Variants in RBM28 observed in about 807,000 individuals in gnomAD.
RBM28 encodes RNA binding motif protein 28, also known as RNA-binding protein 28.
A neutral mutation model predicts 98.3 loss-of-function variants in RBM28; 78 were observed. That is an observed-to-expected ratio of 0.79 (90% CI 0.66 to 0.96). The LOEUF (loss-of-function observed/expected upper bound fraction) is 0.96. Ranked by LOEUF, RBM28 falls within the 40% of genes least tolerant of loss-of-function variation. RBM28 has a pLI of 0.00. For missense variants in RBM28, 838 were observed against 913.0 expected, an observed-to-expected ratio of 0.92 and a Z score of 1.06; for synonymous variants, 306 against 330.9, an observed-to-expected ratio of 0.92 and a Z score of 0.82.
At position 128,314,956 on chromosome 7, in the gene RBM28, T is replaced by A; in HGVS notation, c.1853A>T (p.Asp618Val). The change falls in exon 17 of 19, where the codon GAC becomes GTC. Residue 618 changes from aspartate (D) to valine (V), a missense_variant. Coordinates refer to ENST00000223073, the MANE Select transcript of RBM28 (RefSeq NM_018077.3). The stretch of plus-strand genomic sequence containing the variant: ...GTGTTGAGCTGCCTTCTGTTGCTGG[T>A]CTTTTGCAGGCTCTGGTTGCCCCTT... ...PQKGQPEPAKDQQQKAAQHHT... is the reference protein window; with the variant it reads ...PQKGQPEPAKVQQQKAAQHHT... 6.2e-7 allele frequency: 1 copy of A among 1,614,236 alleles called. No homozygotes were observed. Among genetic ancestry groups the A allele is most frequent in the Non-Finnish European group, 8.5e-7 (1 of 1,180,040 alleles).
At chr7:128,324,795 C>A (rs1796311449) in intron 11 of RBM28, 101 bp from the exon 12 acceptor site, 1 of 1,527,852 alleles carries the variant, frequency 6.5e-7, no homozygotes, top group Non-Finnish European at 9.0e-7. Flanking sequence ...AGGTGGATCA[C>A]CTGAGGTCAG....
chr7:128,342,676 G>A (rs1397519903), intron 1 of RBM28, among the ~76,000 whole-genome samples: 2 of 151,000 alleles, frequency 1.3e-5, no homozygotes, highest in African/African-American at 4.9e-5. Flanking sequence ...GCAAGACGCA[G>A]TCTTTAAAAA....
chr7:128,328,165 T>C (rs1476957290), intron 10 of RBM28, among the ~76,000 whole-genome samples: 1 of 152,234 alleles, frequency 6.6e-6, no homozygotes, highest in Admixed American at 6.5e-5. Flanking sequence ...TCTGTTTCTA[T>C]ATCCCTAGCA....
chr7:128,328,602 C>T (rs1796404926), intron 10 of RBM28, among the ~76,000 whole-genome samples: 1 of 152,134 alleles, frequency 6.6e-6, no homozygotes, highest in Admixed American at 6.5e-5. Context: ...TCTAGTCAGT[C>T]AATTGTAGGC....
chr7:128,333,231 G>C, intron 9 of RBM28, 59 bp downstream of exon 9: 1 of 1,356,782 alleles, frequency 7.4e-7, no homozygotes, highest in Non-Finnish European at 1.1e-6. Flanking sequence ...AAGAGAAGAA[G>C]AAGGAAGAGA....
In RBM28 at chr7:128,337,143, CAG is replaced by C; in HGVS notation, c.599_600del (p.Ser200CysfsTer6). The C allele has an allele frequency of 6.2e-7, 1 of 1,614,138 alleles. No homozygotes were observed. The highest frequency in any genetic ancestry group is 8.5e-7 in the Non-Finnish European group (1 of 1,179,980). ...TACCACATCTTACCTATAGCAGAAA[CAG>C]ACTGTGTATCTTTATATTTATCCTT... ...VAKDKYKDTQSVSAIGEEKSH... is the reference protein window; with the variant it reads ...VAKDKYKDTQXVSAIGEEKSH... On this transcript the variant is annotated frameshift_variant, in exon 6 of 19. Coordinates refer to ENST00000223073, the MANE Select transcript of RBM28 (RefSeq NM_018077.3). LOFTEE classifies it high-confidence loss of function.
rs762822673 is a variant in RBM28, at chr7:128,314,758, T to C, written c.2045+6A>G. Reference sequence around the variant, plus strand: ...TGTTCTGTGCTTCTGCCCTCCTGCATCTCACCTGATTTTGGGGCCTCGGTG... The same window carrying C: ...TGTTCTGTGCTTCTGCCCTCCTGCACCTCACCTGATTTTGGGGCCTCGGTG... On this transcript the variant is annotated splice_donor_region_variant and intron_variant, in intron 17 of 18. Transcript: ENST00000223073. 4 of 1,614,208 alleles carry C rather than the reference T, an allele frequency of 2.5e-6. No individual in the cohort carries two copies. The East Asian group carries it at 8.9e-5, about 36-fold the overall frequency.
At position 128,343,790 on chromosome 7, in the gene RBM28, C is replaced by T. The variant is rs1431845795; in HGVS notation, c.4G>A (p.Ala2Thr). M[A>T]GLTLFVGRLP... is the part of the protein sequence containing the mutation. The stretch of plus-strand genomic sequence containing the variant: ...CGGCCCACAAATAAGGTCAGGCCGG[C>T]CATGAGACCGGGAAACCCAAAGCGC... The change falls in exon 1 of 19, where the codon GCC becomes ACC. Residue 2 changes from alanine to threonine, a missense_variant. Coordinates refer to ENST00000223073, the MANE Select transcript of RBM28 (RefSeq NM_018077.3). 6.3e-7 allele frequency: 1 copy of T among 1,594,332 alleles called. No homozygotes were observed. The highest frequency in any genetic ancestry group is 1.8e-5 in the Admixed American group (1 of 57,086).
At chr7:128,317,414 C>T (rs969241412) in intron 16 of RBM28, among the ~76,000 whole-genome samples, 2 of 152,178 alleles carry the variant, frequency 1.3e-5, no homozygotes, top group Non-Finnish European at 2.9e-5. Context: ...CTGTAAAAAA[C>T]GGCTGACTGG....
In RBM28 at chr7:128,323,908, T is replaced by C. The variant is rs187546969; in HGVS notation, c.1340-317A>G. On this transcript the variant is annotated intron_variant, in intron 12 of 18. Transcript: ENST00000223073. Reference sequence around the variant, plus strand: ...AAGAAGTATGGAACATAAGTACATTTTGGGCATTTAGAATGCACAATGTTC... The same window carrying C: ...AAGAAGTATGGAACATAAGTACATTCTGGGCATTTAGAATGCACAATGTTC... 1.2e-3 allele frequency among the ~76,000 whole-genome samples: 178 copies of C among 152,332 alleles called. 1 individual carries two copies. The highest frequency in any genetic ancestry group is 3.1e-3 in the Admixed American group (48 of 15,296).
rs1195519063 is a variant in RBM28 at position 128,310,928 on chromosome 7, A to C, written c.2149T>G (p.Ser717Ala). The C allele has an allele frequency of 6.2e-7, 1 of 1,612,244 alleles. No homozygotes were observed. Among genetic ancestry groups the C allele is most frequent in the Admixed American group, 1.7e-5 (1 of 60,010 alleles). Reference protein sequence around the residue: ...EKQQLSSEQVSRKKAKGNKTE... With the variant: ...EKQQLSSEQVARKKAKGNKTE... ...TTATTTCCCTTAGCTTTTTTCCTAG[A>C]TACCTACAAATGAAAGGATTAGAAA... Residue 717 changes from serine (S) to alanine (A), a missense_variant, in exon 19 of 19, where the codon TCT becomes GCT. Coordinates refer to ENST00000223073, the MANE Select transcript of RBM28 (RefSeq NM_018077.3).
intron 14 of RBM28, among the ~76,000 whole-genome samples, chr7:128,319,736 C>T (rs2116336086): frequency 6.6e-6 from 1 of 152,280 alleles, no homozygotes; most frequent in South Asian, 2.1e-4. Context: ...GGAGAAGTGA[C>T]TGACAGACAG....
At chr7:128,314,689 A>G in intron 17 of RBM28, 75 bp downstream of exon 17, 1 of 1,602,652 alleles carries the variant, frequency 6.2e-7, no homozygotes, top group Non-Finnish European at 8.5e-7. Context: ...TGCCACAAAG[A>G]GAAAATAACT....
chr7:128,303,948 T>A lies in RBM28; in HGVS notation c.*6849A>T, dbSNP rs7794771. 1 of 151,870 alleles carries A rather than the reference T, an allele frequency of 6.6e-6. No homozygotes were observed. The highest frequency in any genetic ancestry group is 1.5e-5 in the Non-Finnish European group (1 of 67,988). The allele number at this position is 151,870 out of a possible 1,614,324, so 9.4% of individuals were successfully genotyped here. ...GAACAGAATAGTTTCGAGGGAAGGA[T>A]AAGAAAGAGAGTCGGGAAGGCTGGG... On this transcript the variant is annotated 3_prime_UTR_variant, in exon 19 of 19. Transcript: ENST00000223073.
At chr7:128,330,689 G>C (rs1195145833) in intron 10 of RBM28, 130 bp downstream of exon 10, 6 of 758,410 alleles carry the variant, frequency 7.9e-6, no homozygotes, top group Non-Finnish European at 1.4e-5. Context: ...TACTTTTATA[G>C]AACCCAGAAA....
intron 10 of RBM28, 87 bp downstream of exon 10, chr7:128,330,732 T>A: frequency 1.0e-6 from 1 of 965,516 alleles, no homozygotes; most frequent in East Asian, 2.4e-5. Flanking sequence ...CCCCTCAAAA[T>A]GGCACACATT....
chr7:128,325,636 C>CTGATGTG (rs1177687457), intron 11 of RBM28, among the ~76,000 whole-genome samples, 182 bp downstream of exon 11: 4 of 152,118 alleles, frequency 2.6e-5, no homozygotes, highest in Admixed American at 1.3e-4. Context: ...CCTCAAAGGG[C>CTGATGTG]TGATGTAATG....
chr7:128,336,960 C>T (rs1018491113), intron 6 of RBM28, among the ~76,000 whole-genome samples, 171 bp downstream of exon 6: 2 of 152,086 alleles, frequency 1.3e-5, no homozygotes, highest in African/African-American at 4.8e-5. Context: ...GTTGGCCAGG[C>T]TGGTCTCAAA....
rs184768001 is a variant in RBM28, at chr7:128,321,470, G to A, written c.1405-46C>T. On this transcript the variant is annotated intron_variant, in intron 13 of 18. Transcript: ENST00000223073. ...TAACAGTACAACCCACTCTTTTTAA[G>A]AGGTAGGCTCATAATTCTCCAAAAG... 123 of 1,608,886 alleles carry A rather than the reference G, an allele frequency of 7.6e-5. No homozygotes were observed. In the African/African-American group the frequency reaches 1.5e-3, roughly 20 times the overall value.
Sources: allele counts gnomAD v4.1 joint callset (sites outside exome capture counted in the v4.1 genomes callset), GRCh38; gene constraint gnomAD v4.1.1; transcripts MANE v1.5; gene names NCBI Gene and HGNC (gene_info 2026-07-23, HGNC 2026-07-21).